TRPV3: variants seen among roughly 807,000 people sequenced by gnomAD.
The protein encoded by TRPV3 is transient receptor potential cation channel subfamily V member 3.
Under a neutral mutation model 87.1 loss-of-function variants are expected in TRPV3, and 88 were observed. The ratio of observed to expected loss-of-function variants is 1.01; its 90% confidence interval spans 0.85 to 1.21. The LOEUF is 1.21. Among genes scored for constraint, TRPV3 ranks in the 50% most tolerant of loss-of-function variants. The pLI, the probability that TRPV3 is intolerant of heterozygous loss-of-function variation, is 0.00. For missense variants in TRPV3, 1,054 were observed against 1,030.1 expected (o/e 1.02, Z -0.32); for synonymous variants, 438 against 423.3 (o/e 1.03, Z -0.43).
At chr17:3,545,770 G>C (rs1267220414) in intron 2 of TRPV3, among the ~76,000 whole-genome samples, 1 of 151,304 alleles carries the variant, frequency 6.6e-6, no homozygotes, top group East Asian at 1.9e-4. Flanking sequence ...CCTGAGGTAA[G>C]GAGTTTGAGA....
Position 3,520,895 on chromosome 17 carries a change from G to A in TRPV3, c.1810+78C>T, listed in dbSNP as rs187381450. Reference sequence around the variant, plus strand: ...AGTTGGTCTAATTGTTGCCAAGGCCGCCATGCACTTTGCCATTTTGACATC... The same window carrying A: ...AGTTGGTCTAATTGTTGCCAAGGCCACCATGCACTTTGCCATTTTGACATC... On this transcript the variant is annotated intron_variant, in intron 14 of 17. Transcript: ENST00000576742. 422 of 970,284 alleles carry A rather than the reference G, an allele frequency of 4.3e-4. 1 individual carries two copies. The East Asian group carries it at 5.6e-3, about 13-fold the overall frequency. The allele number at this position is 970,284 out of a possible 1,614,324, so 60.1% of individuals were successfully genotyped here.
chr17:3,529,767 C>A (rs1467381790), intron 9 of TRPV3, among the ~76,000 whole-genome samples: 1 of 151,616 alleles, frequency 6.6e-6, no homozygotes, highest in African/African-American at 2.4e-5. Flanking sequence ...ATACTCGGTC[C>A]AGAAGACCTC....
intron 6 of TRPV3, among the ~76,000 whole-genome samples, chr17:3,542,149 G>T (rs2074469191): frequency 6.6e-6 from 1 of 151,842 alleles, no homozygotes; most frequent in Non-Finnish European, 1.5e-5. Context: ...TAGAGACGGG[G>T]TTTCACCATG....
intron 15 of TRPV3, 88 bp from the exon 16 acceptor site, chr17:3,516,657 C>T: frequency 1.1e-6 from 1 of 908,326 alleles, no homozygotes; most frequent in Admixed American, 1.8e-5. Flanking sequence ...CCCACTCCAC[C>T]CTCACCTCAT....
chr17:3,553,788 C>G (rs576827609), intron 2 of TRPV3: 1 of 152,464 alleles, frequency 6.6e-6, no homozygotes, highest in South Asian at 2.1e-4. Context: ...CTGAGCCCAA[C>G]CCTGGGGCTG....
intron 17 of TRPV3, 53 bp downstream of exon 17, chr17:3,514,540 G>T (rs757085434): frequency 8.8e-6 from 12 of 1,358,648 alleles, no homozygotes; most frequent in Non-Finnish European, 1.2e-5. Context: ...TCTGCCCAAG[G>T]TTACATGGTC....
chr17:3,550,167 C>T (rs2074560797), intron 2 of TRPV3, among the ~76,000 whole-genome samples: 1 of 152,166 alleles, frequency 6.6e-6, no homozygotes, highest in African/African-American at 2.4e-5. Context: ...TGGGAGGTTG[C>T]ATCCTTCAGG....
chr17:3,546,717 C>A, intron 2 of TRPV3: 1 of 454,536 alleles, frequency 2.2e-6, no homozygotes, highest in East Asian at 7.0e-5. Flanking sequence ...GTGGCTCATG[C>A]CTGTAATCCC....
chr17:3,548,179 A>G (rs1315244547), intron 2 of TRPV3, among the ~76,000 whole-genome samples: 4 of 152,184 alleles, frequency 2.6e-5, no homozygotes, highest in African/African-American at 9.7e-5. Context: ...GAAGGGACCA[A>G]CATGCCCCTT....
At chr17:3,531,467 C>T (rs558337081) in intron 8 of TRPV3, among the ~76,000 whole-genome samples, 1 of 152,204 alleles carries the variant, frequency 6.6e-6, no homozygotes, top group Non-Finnish European at 1.5e-5. Context: ...CCAAGCTGGG[C>T]AGCATCCAGA....
Position 3,543,584 on chromosome 17 carries a change from A to G in TRPV3, c.356T>C (p.Leu119Pro). 6.2e-7 allele frequency: 1 copy of G among 1,614,152 alleles called. No individual in the cohort carries two copies. Residue 119 changes from leucine (L) to proline (P), a missense_variant, in exon 5 of 18, where the codon CTG becomes CCG. Coordinates refer to ENST00000576742, the MANE Select transcript of TRPV3 (RefSeq NM_145068.4). ...KEEQRRKKRR[L>P]KKRIFAAVSE... ...CACGGCTGCAAAGATGCGCTTCTTC[A>G]GCCGCCTCTTTTTCCTCCTCTGCTC...
intron 15 of TRPV3, among the ~76,000 whole-genome samples, chr17:3,517,018 G>A (rs552491362): frequency 3.0e-4 from 46 of 152,280 alleles, no homozygotes; most frequent in Admixed American, 1.7e-3. Context: ...TATGTCAGGC[G>A]CCTATAATCC....
chr17:3,551,858 C>A (rs2074577599), intron 2 of TRPV3, among the ~76,000 whole-genome samples: 1 of 113,996 alleles, frequency 8.8e-6, no homozygotes, highest in Admixed American at 9.7e-5. Flanking sequence ...CTTTCTTCAC[C>A]TGTAATTTAT....
chr17:3,514,160 C>A, intron 17 of TRPV3, 149 bp from the exon 18 acceptor site: 1 of 608,334 alleles, frequency 1.6e-6, no homozygotes, highest in Non-Finnish European at 2.7e-6. Flanking sequence ...CTCACTGCAA[C>A]CTCCACCTCC....
At chr17:3,537,017 G>T (rs886785865) in intron 6 of TRPV3, among the ~76,000 whole-genome samples, 1 of 152,204 alleles carries the variant, frequency 6.6e-6, no homozygotes, top group Non-Finnish European at 1.5e-5. Flanking sequence ...TAACCTTTTG[G>T]TAGGGAAGAC....
chr17:3,514,869 C>T (rs1030339937), intron 16 of TRPV3, among the ~76,000 whole-genome samples, 197 bp from the exon 17 acceptor site: 2 of 152,124 alleles, frequency 1.3e-5, no homozygotes, highest in South Asian at 4.1e-4. Flanking sequence ...CGTCCCCAGG[C>T]CTCAGAGAAT....
At chr17:3,526,980 G>A in intron 11 of TRPV3, 53 bp from the exon 12 acceptor site, 2 of 1,436,530 alleles carry the variant, frequency 1.4e-6, no homozygotes, top group Non-Finnish European at 1.9e-6. Context: ...CCTCAGCAGG[G>A]GAGCTGAGCA....
At chr17:3,514,180 G>A (rs984775191) in intron 17 of TRPV3, 169 bp from the exon 18 acceptor site, 2 of 565,540 alleles carry the variant, frequency 3.5e-6, no homozygotes, top group Admixed American at 6.3e-5. Context: ...CCAGGTTCAA[G>A]CAATTCTCCT....
chr17:3,529,992 C>T, intron 9 of TRPV3, 35 bp downstream of exon 9: 1 of 1,592,046 alleles, frequency 6.3e-7, no homozygotes, highest in Non-Finnish European at 8.6e-7. Flanking sequence ...CAGCCCTCTT[C>T]TCCCTGCCCT....
Sources: allele counts gnomAD v4.1 joint callset (sites outside exome capture counted in the v4.1 genomes callset), GRCh38; gene constraint gnomAD v4.1.1; transcripts MANE v1.5; gene names NCBI Gene and HGNC (gene_info 2026-07-23, HGNC 2026-07-21).